ALOX5: variants seen among roughly 807,000 people sequenced by gnomAD.
The protein encoded by ALOX5 is polyunsaturated fatty acid 5-lipoxygenase.
Under a neutral mutation model 87.9 loss-of-function variants are expected in ALOX5, and 64 were observed. That is an observed-to-expected ratio of 0.73 (90% confidence interval 0.60 to 0.90). ALOX5 has a LOEUF of 0.90. ALOX5 is among the 40% of genes least tolerant of loss of function. The probability of loss-of-function intolerance (pLI) is 0.00; values close to 1 mark genes in which losing one functional copy is unlikely to be tolerated. For missense variants in ALOX5, 822 were observed against 907.5 expected (o/e 0.91, Z 1.21); for synonymous variants, 388 against 355.1 (o/e 1.09, Z -1.04).
At chr10:45,379,428 C>G (rs960682569) in intron 1 of ALOX5, among the ~76,000 whole-genome samples, 1 of 152,222 alleles carries the variant, frequency 6.6e-6, no homozygotes, top group Non-Finnish European at 1.5e-5. Context: ...ATTCAGAATG[C>G]CTCCCACTCT....
At chr10:45,398,692 G>A (rs1840597947) in intron 3 of ALOX5, among the ~76,000 whole-genome samples, 1 of 152,112 alleles carries the variant, frequency 6.6e-6, no homozygotes, top group Non-Finnish European at 1.5e-5. Flanking sequence ...AAAAAAATGA[G>A]TGAGGATCTG....
At chr10:45,375,196 C>G (rs944817717) in intron 1 of ALOX5, among the ~76,000 whole-genome samples, 1 of 152,204 alleles carries the variant, frequency 6.6e-6, no homozygotes, top group Non-Finnish European at 1.5e-5. Context: ...TCCCTCCCAG[C>G]AGAATGTACA....
At chr10:45,415,581 T>TA (rs60397346) in intron 4 of ALOX5, among the ~76,000 whole-genome samples, 56,920 of 135,922 alleles carry the variant, frequency 0.42, 12,671 homozygotes, top group African/African-American at 0.64. Flanking sequence ...AGTATAATAA[T>TA]AAAAAAAAAG....
chr10:45,423,138 AAAAG>A (rs1433980243), intron 4 of ALOX5, among the ~76,000 whole-genome samples: 5 of 152,230 alleles, frequency 3.3e-5, no homozygotes, highest in Non-Finnish European at 7.3e-5. Context: ...TCCACAGCAG[AAAAG>A]AAAGGGGCAC....
chr10:45,391,876 C>A lies in ALOX5; in HGVS notation c.350-3979C>A, dbSNP rs1457786119. On this transcript the variant is annotated intron_variant, in intron 2 of 13. Coordinates refer to ENST00000374391, the MANE Select transcript of ALOX5 (RefSeq NM_000698.5). ...CCATCTGAGAAGTGAGGAGCCCCTCCGCCCGGCAGCCGCCCCTTCTGAGAA... is the reference window on the plus strand; with the variant it reads ...CCATCTGAGAAGTGAGGAGCCCCTCAGCCCGGCAGCCGCCCCTTCTGAGAA... Among the ~76,000 whole-genome samples, 4 of 118,042 alleles carry A rather than the reference C, an allele frequency of 3.4e-5. No homozygotes were observed. In the South Asian group the frequency reaches 1.0e-3, roughly 30 times the overall value. 77.4% of individuals were successfully genotyped at this position (118,042 alleles called of 152,430 possible). A position where few individuals can be genotyped will look rare whatever the true frequency, so the allele number is the denominator to read the frequency against.
intron 2 of ALOX5, 55 bp downstream of exon 2, chr10:45,382,736 C>G (rs1839886185): frequency 1.9e-6 from 3 of 1,555,492 alleles, no homozygotes; most frequent in Middle Eastern, 3.5e-4. Flanking sequence ...AAAGTTCTTC[C>G]TGTCCTCAAA....
chr10:45,442,477 A>ATG (rs147685772), intron 9 of ALOX5: 4,259 of 152,512 alleles, frequency 0.028, 72 homozygotes, highest in Non-Finnish European at 0.042. Context: ...GTGTATTTGC[A>ATG]TGTGTGTGTG....
Position 45,425,259 on chromosome 10 carries a change from C to A in ALOX5, c.834+127C>A, listed in dbSNP as rs144904251. The A allele has an allele frequency of 1.1e-4, 124 of 1,117,904 alleles. No homozygotes were observed. The African/African-American group carries it at 1.6e-3, about 14-fold the overall frequency. 69.2% of individuals were successfully genotyped at this position (1,117,904 alleles called of 1,614,324 possible). On this transcript the variant is annotated intron_variant, in intron 6 of 13. Transcript: ENST00000374391. The surrounding 1 kb of genome is among the most constrained non-coding windows in gnomAD (Gnocchi z 4.4). Reference sequence around the variant, plus strand: ...AGGCCCATCTGGCCTACAGCAGCCGCTTCCTTTTCCTGGCAGCAGTGTCAG... The same window carrying A: ...AGGCCCATCTGGCCTACAGCAGCCGATTCCTTTTCCTGGCAGCAGTGTCAG...
At chr10:45,399,532 A>G (rs946367391) in intron 3 of ALOX5, among the ~76,000 whole-genome samples, 52 of 152,260 alleles carry the variant, frequency 3.4e-4, no homozygotes, top group African/African-American at 1.2e-3. Flanking sequence ...GGCTAACAAC[A>G]TAACACTCTT....
chr10:45,428,848 C>T, intron 7 of ALOX5, 84 bp downstream of exon 7: 1 of 1,532,076 alleles, frequency 6.5e-7, no homozygotes, highest in South Asian at 1.2e-5. Context: ...CACACTCCAG[C>T]TGAGGAAGCT....
intron 3 of ALOX5, among the ~76,000 whole-genome samples, chr10:45,406,524 C>T (rs1374468584): frequency 1.3e-5 from 2 of 152,180 alleles, no homozygotes; most frequent in African/African-American, 2.4e-5. Context: ...CGTGTCTTTC[C>T]ACCTCTCTAG....
intron 1 of ALOX5, among the ~76,000 whole-genome samples, chr10:45,375,774 C>T (rs1314618187): frequency 1.3e-5 from 2 of 152,236 alleles, no homozygotes; most frequent in Non-Finnish European, 2.9e-5. Context: ...GCTTGAGCTC[C>T]CTTCAAGAAG....
chr10:45,381,311 A>C (rs995058967), intron 1 of ALOX5, among the ~76,000 whole-genome samples: 1 of 152,246 alleles, frequency 6.6e-6, no homozygotes, highest in Admixed American at 6.5e-5. Context: ...GCAGCTGTGA[A>C]CTGCAAATGT....
chr10:45,410,286 G>A (rs1841025395), intron 3 of ALOX5, among the ~76,000 whole-genome samples: 1 of 152,174 alleles, frequency 6.6e-6, no homozygotes, highest in Non-Finnish European at 1.5e-5. Context: ...GATGCCTTGA[G>A]TCATTTTCCA....
intron 1 of ALOX5, among the ~76,000 whole-genome samples, chr10:45,378,941 C>T (rs1274185045): frequency 6.6e-6 from 1 of 152,162 alleles, no homozygotes; most frequent in Non-Finnish European, 1.5e-5. Flanking sequence ...GATTTCACCC[C>T]AAGTGAAACT....
At chr10:45,391,923 C>G (rs1840287443) in intron 2 of ALOX5, among the ~76,000 whole-genome samples, 1 of 116,676 alleles carries the variant, frequency 8.6e-6, no homozygotes, top group East Asian at 2.0e-4. Flanking sequence ...CTCCGCCCGG[C>G]AGCCGCCCCG....
intron 2 of ALOX5, among the ~76,000 whole-genome samples, chr10:45,393,152 A>T (rs985215582): frequency 1.3e-5 from 2 of 151,494 alleles, no homozygotes; most frequent in African/African-American, 4.9e-5. Flanking sequence ...CACACACAAA[A>T]AAAACAATTT....
intron 8 of ALOX5, 101 bp from the exon 9 acceptor site, chr10:45,441,243 T>G: frequency 5.0e-6 from 5 of 994,948 alleles, no homozygotes; most frequent in Non-Finnish European, 7.8e-6. Flanking sequence ...GCGCCCAGCA[T>G]CATCCTATAG....
At chr10:45,401,372 A>G (rs761283981) in intron 3 of ALOX5, among the ~76,000 whole-genome samples, 2 of 152,208 alleles carry the variant, frequency 1.3e-5, no homozygotes, top group African/African-American at 2.4e-5. Flanking sequence ...AAAAAGTAAA[A>G]GAAGGAAAAT....
Sources: allele counts gnomAD v4.1 joint callset (sites outside exome capture counted in the v4.1 genomes callset), GRCh38; gene constraint gnomAD v4.1.1; non-coding constraint Gnocchi (gnomAD v3.1); transcripts MANE v1.5; gene names NCBI Gene and HGNC (gene_info 2026-07-23, HGNC 2026-07-21).